Variants in AMPH observed in about 807,000 individuals in gnomAD.
AMPH encodes amphiphysin (Stiff-Mann syndrome with breast cancer 128kD autoantigen).
AMPH carries 49 observed loss-of-function variants against 99.1 expected under a neutral mutation model. The observed-to-expected ratio is 0.49, with a 90% CI of 0.39 to 0.63. AMPH has a LOEUF of 0.63. Ranked by LOEUF, AMPH falls within the 20% of genes least tolerant of loss-of-function variation. The probability of loss-of-function intolerance (pLI) is 0.00; values close to 1 mark genes in which losing one functional copy is unlikely to be tolerated. For synonymous variants in AMPH, 314 were observed against 317.3 expected (o/e 0.99, Z 0.11); for missense variants, 759 against 863.4 (o/e 0.88, Z 1.52).
At position 38,475,312 on chromosome 7, in the gene AMPH, C is replaced by G; in HGVS notation, c.590+19G>C. The G allele has an allele frequency of 6.5e-7, 1 of 1,547,064 alleles. No homozygotes were observed. ...ATTTCTAAAAGGAACATGTGCAACC[C>G]ATAGAGAAACATTTTTACCTTGACC... is the stretch of plus-strand genomic sequence containing the variant. On this transcript the variant is annotated intron_variant, in intron 7 of 20. Transcript: ENST00000356264.
chr7:38,503,598 C>A, intron 3 of AMPH, 52 bp downstream of exon 3: 1 of 1,576,294 alleles, frequency 6.3e-7, no homozygotes, highest in South Asian at 1.1e-5. Context: ...CTCATGAATT[C>A]CAAGAACAAC....
intron 1 of AMPH, among the ~76,000 whole-genome samples, chr7:38,602,210 C>T (rs1272283777): frequency 6.6e-6 from 1 of 152,128 alleles, no homozygotes; most frequent in Admixed American, 6.5e-5. Flanking sequence ...CCACAGAGGC[C>T]CACCCTGACC....
intron 1 of AMPH, among the ~76,000 whole-genome samples, chr7:38,611,574 C>T (rs1421531663): frequency 6.6e-6 from 1 of 152,214 alleles, no homozygotes; most frequent in African/African-American, 2.4e-5. Flanking sequence ...CTACATACAG[C>T]CTTAATGGCT....
At chr7:38,510,516 G>A (rs960543605) in intron 2 of AMPH, among the ~76,000 whole-genome samples, 2 of 152,124 alleles carry the variant, frequency 1.3e-5, no homozygotes, top group Non-Finnish European at 2.9e-5. Context: ...ATCCAGGCAT[G>A]GTTCTAAGTT....
At chr7:38,550,907 C>T (rs1330759036) in intron 1 of AMPH, among the ~76,000 whole-genome samples, 1 of 152,162 alleles carries the variant, frequency 6.6e-6, no homozygotes, top group Non-Finnish European at 1.5e-5. Context: ...ACATTTTTCA[C>T]ATTTTTGTCG....
intron 11 of AMPH, among the ~76,000 whole-genome samples, chr7:38,458,172 C>T (rs940106774): frequency 6.6e-5 from 10 of 152,078 alleles, no homozygotes; most frequent in African/African-American, 2.4e-4. Flanking sequence ...CAGCATCACG[C>T]AATATCTCCA....
chr7:38,561,382 C>T (rs933280233), intron 1 of AMPH, among the ~76,000 whole-genome samples: 1 of 152,314 alleles, frequency 6.6e-6, no homozygotes, highest in African/African-American at 2.4e-5. Context: ...TATGTACAGC[C>T]CAGAGGTACC....
intron 1 of AMPH, among the ~76,000 whole-genome samples, chr7:38,537,985 AAAG>A (rs1450659488): frequency 6.6e-6 from 1 of 152,236 alleles, no homozygotes; most frequent in Non-Finnish European, 1.5e-5. Context: ...CCATCAGAGT[AAAG>A]AAGGATCAAA....
intron 1 of AMPH, among the ~76,000 whole-genome samples, chr7:38,542,111 T>A (rs1790828970): frequency 6.6e-6 from 1 of 152,190 alleles, no homozygotes; most frequent in Non-Finnish European, 1.5e-5. Context: ...AAGATTTGAG[T>A]CCTAGCATCC....
At position 38,417,814 on chromosome 7, in the gene AMPH, G is replaced by T. The variant is rs368760883; in HGVS notation, c.1398+11C>A. 6.2e-7 allele frequency: 1 copy of T among 1,613,424 alleles called. No homozygotes were observed. The highest frequency in any genetic ancestry group is 8.5e-7 in the Non-Finnish European group (1 of 1,179,748). On this transcript the variant is annotated intron_variant, in intron 17 of 20. Coordinates refer to ENST00000356264, the MANE Select transcript of AMPH (RefSeq NM_001635.4). Reference sequence around the variant, plus strand: ...GAGGCAGATGGAGGGTGAGAGGGAGGTGGTGCTCACCACTGCCTCCTCCAC... The same window carrying T: ...GAGGCAGATGGAGGGTGAGAGGGAGTTGGTGCTCACCACTGCCTCCTCCAC...
At chr7:38,574,901 A>T (rs1237608298) in intron 1 of AMPH, among the ~76,000 whole-genome samples, 1 of 151,998 alleles carries the variant, frequency 6.6e-6, no homozygotes, top group African/African-American at 2.4e-5. Context: ...TAAAAATACA[A>T]AAATTAGCTG....
intron 17 of AMPH, among the ~76,000 whole-genome samples, chr7:38,405,147 C>A (rs1245495485): frequency 6.6e-6 from 1 of 152,096 alleles, no homozygotes; most frequent in East Asian, 1.9e-4. Flanking sequence ...AAGTCTTTCC[C>A]AGACAAACAA....
chr7:38,540,251 A>T (rs1790760428), intron 1 of AMPH, among the ~76,000 whole-genome samples: 1 of 152,234 alleles, frequency 6.6e-6, no homozygotes, highest in Non-Finnish European at 1.5e-5. Context: ...ATTTTGAAAC[A>T]GTAAGATTTT....
chr7:38,428,592 G>T (rs1406184597), intron 14 of AMPH: 1 of 456,502 alleles, frequency 2.2e-6, no homozygotes, highest in African/African-American at 2.0e-5. Flanking sequence ...AGTGTCTATT[G>T]CATTTTTCTT....
At chr7:38,583,843 T>A (rs186563430) in intron 1 of AMPH, among the ~76,000 whole-genome samples, 214 of 152,340 alleles carry the variant, frequency 1.4e-3, no homozygotes, top group Non-Finnish European at 2.5e-3. Flanking sequence ...CCAAGTCCTA[T>A]AATCTTCCTT....
chr7:38,502,553 G>A (rs1789176705), intron 3 of AMPH, among the ~76,000 whole-genome samples: 1 of 152,170 alleles, frequency 6.6e-6, no homozygotes, highest in Non-Finnish European at 1.5e-5. Context: ...TTAAACGAAG[G>A]TTGCCAGGTG....
intron 11 of AMPH, 77 bp from the exon 12 acceptor site, chr7:38,436,465 T>C: frequency 9.7e-7 from 1 of 1,035,772 alleles, no homozygotes; most frequent in East Asian, 2.4e-5. Context: ...AGCCCATGTA[T>C]ACTCTCTCTA....
intron 1 of AMPH, among the ~76,000 whole-genome samples, chr7:38,586,091 A>T (rs903524862): frequency 6.6e-6 from 1 of 152,226 alleles, no homozygotes; most frequent in African/African-American, 2.4e-5. Flanking sequence ...GGCCACATGA[A>T]GTCCAGACAT....
At chr7:38,486,088 G>C (rs1788480410) in intron 5 of AMPH, among the ~76,000 whole-genome samples, 2 of 144,618 alleles carry the variant, frequency 1.4e-5, no homozygotes, top group African/African-American at 5.1e-5. Context: ...AGAAAGGAAA[G>C]ATAAAGATTA....
Sources: allele counts gnomAD v4.1 joint callset (sites outside exome capture counted in the v4.1 genomes callset), GRCh38; gene constraint gnomAD v4.1.1; transcripts MANE v1.5; gene names NCBI Gene and HGNC (gene_info 2026-07-23, HGNC 2026-07-21).